The following ELAPOR2 variants were observed in gnomAD, a reference collection of about 807,000 sequenced individuals.
The protein encoded by ELAPOR2 is endosome-lysosome associated apoptosis and autophagy regulator family member 2, also known as endosome/lysosome-associated apoptosis and autophagy regulator family member 2.
Under a neutral mutation model 120.7 loss-of-function variants are expected in ELAPOR2, and 89 were observed. The observed-to-expected ratio is 0.74, with a 90% CI of 0.62 to 0.88. The LOEUF (loss-of-function observed/expected upper bound fraction) is 0.88. Among genes scored for constraint, ELAPOR2 ranks in the 40% least tolerant of loss-of-function variants. The probability of loss-of-function intolerance (pLI) is 0.00; values close to 1 mark genes in which losing one functional copy is unlikely to be tolerated. For missense variants in ELAPOR2, 1,134 were observed against 1,251.6 expected, an observed-to-expected ratio of 0.91 and a Z score of 1.42; for synonymous variants, 444 against 444.9, an observed-to-expected ratio of 1.00 and a Z score of 0.03.
intron 1 of ELAPOR2, among the ~76,000 whole-genome samples, chr7:86,993,067 C>T (rs1792998367): frequency 6.6e-6 from 1 of 151,686 alleles, no homozygotes; most frequent in Non-Finnish European, 1.5e-5. Context: ...GAAACCCTGT[C>T]TCTACTAAAA....
chr7:86,933,759 T>TGG lies in ELAPOR2; in HGVS notation c.1089+4366_1089+4367insCC, dbSNP rs1249264810. Among the ~76,000 whole-genome samples the TGG allele has an allele frequency of 4.6e-5, 7 of 152,158 alleles. No individual in the cohort carries two copies. In the East Asian group the frequency reaches 1.4e-3, roughly 30 times the overall value. ...AATAGAGAAATTGATTTTTGAGCCA[T>TGG]GCTCCCACTTCTCAATTCCATGACC... On this transcript the variant is annotated intron_variant, in intron 8 of 21. Transcript: ENST00000450689.
At chr7:87,017,177 C>A (rs745475840) in intron 1 of ELAPOR2, among the ~76,000 whole-genome samples, 11 of 152,164 alleles carry the variant, frequency 7.2e-5, no homozygotes, top group Non-Finnish European at 1.3e-4. Context: ...ATTTCTCTCT[C>A]CAAAAACTTG....
chr7:86,913,092 C>A lies in ELAPOR2; in HGVS notation c.1844G>T (p.Gly615Val), dbSNP rs1584341905. Residue 615 changes from glycine (G) to valine (V), a missense_variant, in exon 14 of 22, where the codon GGT (glycine) becomes GTT (valine). This residue lies in a region of ELAPOR2 where 831 missense variants were observed against 867.6 expected (regional missense o/e 0.96). Coordinates refer to ENST00000450689, the MANE Select transcript of ELAPOR2 (RefSeq NM_001142749.3). ...RACALGSEQSGSSCVPCPPGH... is the reference protein window; with the variant it reads ...RACALGSEQSVSSCVPCPPGH... ...TGGAGGGCAGGGGACACACGATGAA[C>A]CCGACTGTTCAGAACCGAGGGCACA... 6.2e-7 allele frequency: 1 copy of A among 1,614,050 alleles called. No homozygotes were observed. Among genetic ancestry groups the A allele is most frequent in the East Asian group, 2.2e-5 (1 of 44,854 alleles).
intron 8 of ELAPOR2, among the ~76,000 whole-genome samples, chr7:86,936,064 G>A (rs1790549030): frequency 1.3e-5 from 2 of 151,800 alleles, no homozygotes; most frequent in Admixed American, 6.6e-5. Flanking sequence ...CAATCAACTC[G>A]ATCCTCTCCA....
In ELAPOR2 at chr7:86,914,794, T is replaced by C; in HGVS notation, c.1660A>G (p.Thr554Ala). 2 of 1,612,688 alleles carry C rather than the reference T, an allele frequency of 1.2e-6. No homozygotes were observed. The highest frequency in any genetic ancestry group is 1.7e-6 in the Non-Finnish European group (2 of 1,179,072). The change falls in exon 13 of 22, where the codon ACC becomes GCC. Residue 554 changes from threonine to alanine, a missense_variant. Around this residue, in one of 3 missense-constraint regions of ELAPOR2, gnomAD observed 831 missense variants for 867.6 expected, o/e 0.96. Coordinates refer to ENST00000450689, the MANE Select transcript of ELAPOR2 (RefSeq NM_001142749.3). The stretch of plus-strand genomic sequence containing the variant: ...GTTGCATTCTTGAAGATGATATGGG[T>C]GTAAGCTTGTTTTTCTTTGGTTCCA... ...WGGTKEKQAY[T>A]HIIFKNATFT... is the part of the protein sequence containing the mutation.
intron 1 of ELAPOR2, among the ~76,000 whole-genome samples, chr7:87,034,234 T>C (rs1402775849): frequency 6.6e-6 from 1 of 152,092 alleles, no homozygotes; most frequent in African/African-American, 2.4e-5. Flanking sequence ...GATTCACAAG[T>C]AACTTAAACA....
At chr7:86,936,049 C>T (rs1197363860) in intron 8 of ELAPOR2, among the ~76,000 whole-genome samples, 4 of 151,884 alleles carry the variant, frequency 2.6e-5, no homozygotes, top group African/African-American at 9.7e-5. Flanking sequence ...AGCTGATTTC[C>T]TTGTCAATCA....
At chr7:86,897,287 A>C (rs1788479602) in intron 19 of ELAPOR2, among the ~76,000 whole-genome samples, 1 of 151,912 alleles carries the variant, frequency 6.6e-6, no homozygotes, top group Non-Finnish European at 1.5e-5. Flanking sequence ...AAAGCCTGTG[A>C]CTCCCTTATC....
At chr7:86,914,591 C>T (rs1789471173) in intron 13 of ELAPOR2, 132 bp downstream of exon 13, 2 of 637,444 alleles carry the variant, frequency 3.1e-6, no homozygotes. Context: ...GAATCTATAA[C>T]CAGATTATTC....
intron 10 of ELAPOR2, among the ~76,000 whole-genome samples, chr7:86,924,374 T>TACACACAC (rs3057442): frequency 0.019 from 2,734 of 145,312 alleles, 34 homozygotes; most frequent in East Asian, 0.038. Flanking sequence ...AGTAAGTGAA[T>TACACACAC]ACACACACAC....
intron 1 of ELAPOR2, among the ~76,000 whole-genome samples, chr7:86,967,240 A>C (rs1384463691): frequency 1.3e-5 from 2 of 152,144 alleles, no homozygotes; most frequent in African/African-American, 4.8e-5. Context: ...TGGGCAGATC[A>C]CTTGAGGTCA....
intron 1 of ELAPOR2, among the ~76,000 whole-genome samples, chr7:87,002,329 G>A (rs1793343886): frequency 6.6e-6 from 1 of 152,170 alleles, no homozygotes; most frequent in African/African-American, 2.4e-5. Context: ...AGGAGAGCAA[G>A]GAGAAAGCAA....
intron 1 of ELAPOR2, among the ~76,000 whole-genome samples, chr7:87,000,493 T>G (rs1235668024): frequency 6.6e-6 from 1 of 152,180 alleles, no homozygotes; most frequent in Non-Finnish European, 1.5e-5. Context: ...TGCGTCTGAC[T>G]CAACCCTGCA....
intron 7 of ELAPOR2, 107 bp from the exon 8 acceptor site, chr7:86,938,321 A>G (rs1790650434): frequency 1.3e-6 from 1 of 778,018 alleles, no homozygotes; most frequent in Admixed American, 2.4e-5. Flanking sequence ...AAATAAACTT[A>G]CCAGGGCAAT....
At position 87,012,592 on chromosome 7, in the gene ELAPOR2, T is replaced by C. The variant is rs557533317; in HGVS notation, c.189+46733A>G. ...ACACAACAGATGTCTGTACACAAAG[T>C]ATCTGTACTTTCTGTTCACATACTT... On this transcript the variant is annotated intron_variant, in intron 1 of 21. Coordinates refer to ENST00000450689, the MANE Select transcript of ELAPOR2 (RefSeq NM_001142749.3). Among the ~76,000 whole-genome samples, 7 of 152,320 alleles carry C rather than the reference T, an allele frequency of 4.6e-5. No homozygotes were observed. In the East Asian group the frequency reaches 1.4e-3, roughly 29 times the overall value.
At chr7:86,983,438 A>G (rs1463825388) in intron 1 of ELAPOR2, among the ~76,000 whole-genome samples, 1 of 149,096 alleles carries the variant, frequency 6.7e-6, no homozygotes, top group Non-Finnish European at 1.5e-5. Context: ...AGCCAGAGAG[A>G]AGGTCGGGTT....
At chr7:86,964,250 A>G (rs1583916211) in intron 2 of ELAPOR2, among the ~76,000 whole-genome samples, 1 of 105,632 alleles carries the variant, frequency 9.5e-6, no homozygotes, top group South Asian at 2.5e-4. Context: ...TCACTAAATT[A>G]ACTAAATTAA....
chr7:87,028,231 A>G (rs1191764905), intron 1 of ELAPOR2, among the ~76,000 whole-genome samples: 1 of 151,590 alleles, frequency 6.6e-6, no homozygotes, highest in Non-Finnish European at 1.5e-5. Flanking sequence ...TCAGGTTTTT[A>G]CCTCTCTCCC....
At position 87,014,012 on chromosome 7, in the gene ELAPOR2, G is replaced by C. The variant is rs79390412; in HGVS notation, c.189+45313C>G. On this transcript the variant is annotated intron_variant, in intron 1 of 21. Coordinates refer to ENST00000450689, the MANE Select transcript of ELAPOR2 (RefSeq NM_001142749.3). ...GAGTGTCCTTTTCCCAGTATATTTC[G>C]TGCCATGTTTTTCACTTTTTTTTTT... 7.1e-3 allele frequency among the ~76,000 whole-genome samples: 1,039 copies of C among 146,572 alleles called. 12 individuals carry two copies. The highest frequency in any genetic ancestry group is 0.034 in the East Asian group (171 of 4,984).
Sources: gnomAD v4.1 joint callset for allele counts (sites outside exome capture counted in the v4.1 genomes callset) on GRCh38, gnomAD v4.1.1 for gene constraint, gnomAD v4.1.1 regional missense constraint, MANE v1.5 for transcripts, NCBI Gene and HGNC (gene_info 2026-07-23, HGNC 2026-07-21) for gene names.